The following IL6R variants were observed in gnomAD, a reference collection of about 807,000 sequenced individuals.
IL6R encodes interleukin-6 receptor subunit alpha.
IL6R carries 38 observed loss-of-function variants against 48.3 expected under a neutral mutation model. The ratio of observed to expected loss-of-function variants is 0.79; its 90% CI spans 0.61 to 1.03. The LOEUF (loss-of-function observed/expected upper bound fraction) is 1.03. IL6R is among the 50% of genes least tolerant of loss of function. IL6R has a pLI of 0.00. For missense variants in IL6R, 534 were observed against 618.3 expected, an observed-to-expected ratio of 0.86 and a Z score of 1.45; for synonymous variants, 264 against 256.2, an observed-to-expected ratio of 1.03 and a Z score of -0.29.
At chr1:154,454,656 A>G (rs1238833429) in intron 9 of IL6R, 75 bp downstream of exon 9, 1 of 977,900 alleles carries the variant, frequency 1.0e-6, no homozygotes, top group Non-Finnish European at 1.6e-6. Context: ...CCATTCTGAA[A>G]TTTATGGTGC....
rs371557687 is a variant in IL6R, at chr1:154,412,255, T to G, written c.85+6541T>G. On this transcript the variant is annotated intron_variant, in intron 1 of 9. Transcript: ENST00000368485. Reference sequence around the variant, plus strand: ...AGCCACCGTGCCCGGTGAGCCTTTTTTTTTTGTTTTTGTTTTGAGACAGAG... The same window carrying G: ...AGCCACCGTGCCCGGTGAGCCTTTTGTTTTTGTTTTTGTTTTGAGACAGAG... 1.2e-3 allele frequency among the ~76,000 whole-genome samples: 183 copies of G among 148,514 alleles called. 4 individuals are homozygous for G. In the South Asian group the frequency reaches 0.032, roughly 26 times the overall value.
In IL6R at chr1:154,405,783, C is replaced by G; in HGVS notation, c.85+69C>G. The G allele has an allele frequency of 8.5e-7, 1 of 1,176,906 alleles. No homozygotes were observed. The highest frequency in any genetic ancestry group is 1.1e-6 in the Non-Finnish European group (1 of 881,536). The allele number at this position is 1,176,906 out of a possible 1,614,324, so 72.9% of individuals were successfully genotyped here. On this transcript the variant is annotated intron_variant, in intron 1 of 9. Coordinates refer to ENST00000368485, the MANE Select transcript of IL6R (RefSeq NM_000565.4). The surrounding 1 kb of genome is among the most constrained non-coding windows in gnomAD (Gnocchi z 5.2). ...CTGGGGGAAACCGCCTTGGTCACCGCAGTCTGTGGGAGGCTGGAGGGAGGA... is the reference window on the plus strand; with the variant it reads ...CTGGGGGAAACCGCCTTGGTCACCGGAGTCTGTGGGAGGCTGGAGGGAGGA...
Position 154,429,320 on chromosome 1 carries a change from C to T in IL6R, c.210C>T (p.His70=), listed in dbSNP as rs2229237. 20,662 of 1,614,080 alleles carry T rather than the reference C, an allele frequency of 0.013. 387 individuals are homozygous for T. Among genetic ancestry groups the T allele is most frequent in the African/African-American group, 0.093 (6,962 of 74,988 alleles). ...TCAGGAAGCCGGCTGCAGGCTCCCA[C>T]CCCAGCAGATGGGCTGGCATGGGAA... ...WVLRKPAAGS[H]PSRWAGMGRR... is the part of the protein sequence containing the mutation. Residue 70 remains histidine, a synonymous_variant, in exon 2 of 10, where the codon CAC becomes CAT. Coordinates refer to ENST00000368485, the MANE Select transcript of IL6R (RefSeq NM_000565.4).
At position 154,429,203 on chromosome 1, in the gene IL6R, G is replaced by A. The variant is rs2228144; in HGVS notation, c.93G>A (p.Ala31=). The A allele has an allele frequency of 0.15, 241,732 of 1,610,256 alleles. 18,943 individuals are homozygous for A. Among genetic ancestry groups the A allele is most frequent in the Middle Eastern group, 0.16 (993 of 6,044 alleles). ...APRRCPAQEV[A]RGVLTSLPGD... ...GTCTTCTCCCTCCTCCAGAGGTGGCGAGAGGCGTGCTGACCAGTCTGCCAG... is the reference window on the plus strand; with the variant it reads ...GTCTTCTCCCTCCTCCAGAGGTGGCAAGAGGCGTGCTGACCAGTCTGCCAG... Residue 31 remains alanine (A), a synonymous_variant, in exon 2 of 10, where the codon GCG becomes GCA. Coordinates refer to ENST00000368485, the MANE Select transcript of IL6R (RefSeq NM_000565.4).
At chr1:154,426,650 A>AG (rs1688992627) in intron 1 of IL6R, among the ~76,000 whole-genome samples, 1 of 152,146 alleles carries the variant, frequency 6.6e-6, no homozygotes, top group Admixed American at 6.5e-5. Flanking sequence ...AGTGAAAGTT[A>AG]GGTTGGTGGG....
At chr1:154,415,930 A>T (rs1406117907) in intron 1 of IL6R, among the ~76,000 whole-genome samples, 2 of 152,088 alleles carry the variant, frequency 1.3e-5, no homozygotes, top group Admixed American at 1.3e-4. Flanking sequence ...GTGCCACTGC[A>T]CTCCAGCCTG....
At chr1:154,460,956 G>A (rs1691223824) in intron 9 of IL6R, among the ~76,000 whole-genome samples, 2 of 152,186 alleles carry the variant, frequency 1.3e-5, no homozygotes, top group Admixed American at 6.5e-5. Context: ...GGCCCCGAAC[G>A]TCTGGGCTCG....
rs201040268 is a variant in IL6R at position 154,430,658 on chromosome 1, C to T, written c.458+52C>T. On this transcript the variant is annotated intron_variant, in intron 3 of 9. Coordinates refer to ENST00000368485, the MANE Select transcript of IL6R (RefSeq NM_000565.4). ...CATGTTGGCTCCCTCCTTCCCGAGGCCCCCCAGAGAGGGGCTGGTTCAGGT... is the reference window on the plus strand; with the variant it reads ...CATGTTGGCTCCCTCCTTCCCGAGGTCCCCCAGAGAGGGGCTGGTTCAGGT... 9.9e-6 allele frequency: 16 copies of T among 1,610,346 alleles called. No homozygotes were observed. The East Asian group carries it at 2.9e-4, about 29-fold the overall frequency.
chr1:154,415,122 A>G, intron 1 of IL6R: 1 of 1,062,770 alleles, frequency 9.4e-7, no homozygotes, highest in South Asian at 1.3e-5. Flanking sequence ...CTCGCCCTTG[A>G]GTTGCTTGTA....
Position 154,465,764 on chromosome 1 carries a change from G to C in IL6R, c.*384G>C, listed in dbSNP as rs1691526098. 2.5e-5 allele frequency: 5 copies of C among 197,386 alleles called. No individual in the cohort carries two copies. The South Asian group carries it at 4.9e-4, about 19-fold the overall frequency. 12.2% of individuals were successfully genotyped at this position (197,386 alleles called of 1,614,324 possible). On this transcript the variant is annotated 3_prime_UTR_variant, in exon 10 of 10. Coordinates refer to ENST00000368485, the MANE Select transcript of IL6R (RefSeq NM_000565.4). ...ACCTCTGCACAAGCTGCACCCTCAGGCAGGTGGGATGGATTTCCAGCCAAA... is the reference window on the plus strand; with the variant it reads ...ACCTCTGCACAAGCTGCACCCTCAGCCAGGTGGGATGGATTTCCAGCCAAA...
intron 7 of IL6R, 149 bp from the exon 8 acceptor site, chr1:154,449,762 T>A (rs966946628): frequency 1.6e-6 from 1 of 640,814 alleles, no homozygotes; most frequent in Non-Finnish European, 2.9e-6. Flanking sequence ...AATAGTATTA[T>A]TGATTTTTCC....
chr1:154,455,654 G>A (rs570462673), intron 9 of IL6R, among the ~76,000 whole-genome samples: 43 of 150,942 alleles, frequency 2.8e-4, no homozygotes, highest in Non-Finnish European at 5.3e-4. Flanking sequence ...GGGTTTCACC[G>A]TGTCAGCCAG....
rs759969926 is a variant in IL6R, at chr1:154,466,015, G to C, written c.*635G>C. On this transcript the variant is annotated 3_prime_UTR_variant, in exon 10 of 10. Coordinates refer to ENST00000368485, the MANE Select transcript of IL6R (RefSeq NM_000565.4). Reference sequence around the variant, plus strand: ...TAATACAGTATCTCAGGGCCTGGTCGTTTTCAACAGAATTATAATTAGTTC... The same window carrying C: ...TAATACAGTATCTCAGGGCCTGGTCCTTTTCAACAGAATTATAATTAGTTC... 3.3e-5 allele frequency: 5 copies of C among 153,032 alleles called. No individual in the cohort carries two copies. Among genetic ancestry groups the C allele is most frequent in the Admixed American group, 2.6e-4 (4 of 15,308 alleles). 9.5% of individuals were successfully genotyped at this position (153,032 alleles called of 1,614,324 possible). A position where few individuals can be genotyped will look rare whatever the true frequency, so the allele number is the denominator to read the frequency against.
chr1:154,405,571 CGGT>C lies in IL6R; in HGVS notation c.-58_-56del. On this transcript the variant is annotated 5_prime_UTR_variant, in exon 1 of 10. Coordinates refer to ENST00000368485, the MANE Select transcript of IL6R (RefSeq NM_000565.4). This position sits in a 1 kb window ranked among gnomAD's most constrained non-coding sequence, Gnocchi z 5.2. ...CCCCGCCCCTGCCACCCCTGCCGCCCGGTTCCCATTAGCCTGTCCGCCTCTGCG... is the reference window on the plus strand; with the variant it reads ...CCCCGCCCCTGCCACCCCTGCCGCCCTCCCATTAGCCTGTCCGCCTCTGCG... The C allele has an allele frequency of 7.7e-7, 1 of 1,296,696 alleles. No individual in the cohort carries two copies. The highest frequency in any genetic ancestry group is 1.0e-6 in the Non-Finnish European group (1 of 953,384). The allele number at this position is 1,296,696 out of a possible 1,614,324, so 80.3% of individuals were successfully genotyped here. A position where few individuals can be genotyped will look rare whatever the true frequency, so the allele number is the denominator to read the frequency against.
rs146124432 is a variant in IL6R, at chr1:154,417,602, C to T, written c.86-11594C>T. Among the ~76,000 whole-genome samples, 595 of 152,222 alleles carry T rather than the reference C, an allele frequency of 3.9e-3. 5 individuals carry two copies. Among genetic ancestry groups the T allele is most frequent in the African/African-American group, 0.013 (560 of 41,514 alleles). On this transcript the variant is annotated intron_variant, in intron 1 of 9. Transcript: ENST00000368485. ...TTAGATATCCTTTCTTTTTTTGAGA[C>T]AGGGTTGCCCAGGGTGGAGTGCAGT... is the stretch of plus-strand genomic sequence containing the variant.
At chr1:154,422,234 G>T (rs550441826) in intron 1 of IL6R, among the ~76,000 whole-genome samples, 1 of 152,192 alleles carries the variant, frequency 6.6e-6, no homozygotes, top group Non-Finnish European at 1.5e-5. Flanking sequence ...GAGCCACGGC[G>T]CCTGGTGACT....
intron 6 of IL6R, among the ~76,000 whole-genome samples, chr1:154,439,321 T>C (rs1176556218): frequency 2.6e-5 from 4 of 152,200 alleles, no homozygotes; most frequent in Non-Finnish European, 4.4e-5. Flanking sequence ...TATATTATTA[T>C]TATTATTTTT....
chr1:154,442,248 G>A (rs569876172), intron 6 of IL6R, among the ~76,000 whole-genome samples: 17 of 152,186 alleles, frequency 1.1e-4, no homozygotes, highest in Admixed American at 1.1e-3. Flanking sequence ...CGATAAGGCC[G>A]TAAGCAGACT....
Position 154,444,126 on chromosome 1 carries a change from A to T in IL6R, c.950-3999A>T, listed in dbSNP as rs538337385. 1.6e-3 allele frequency among the ~76,000 whole-genome samples: 243 copies of T among 151,978 alleles called. 2 individuals are homozygous for T. Among genetic ancestry groups the T allele is most frequent in the African/African-American group, 5.6e-3 (232 of 41,460 alleles). The stretch of plus-strand genomic sequence containing the variant: ...CTATCCGCCTGACATCCTTGTGCAC[A>T]ACTGGGTGATTCCTAAACGTTGGGA... On this transcript the variant is annotated intron_variant, in intron 6 of 9. Coordinates refer to ENST00000368485, the MANE Select transcript of IL6R (RefSeq NM_000565.4).
Sources: gnomAD v4.1 joint callset for allele counts (sites outside exome capture counted in the v4.1 genomes callset) on GRCh38, gnomAD v4.1.1 for gene constraint, Gnocchi (gnomAD v3.1) non-coding constraint, MANE v1.5 for transcripts, NCBI Gene and HGNC (gene_info 2026-07-23, HGNC 2026-07-21) for gene names.